The following XPNPEP3 variants were observed in gnomAD, a reference collection of about 807,000 sequenced individuals.
XPNPEP3 encodes X-prolyl aminopeptidase 3, also known as xaa-Pro aminopeptidase 3.
A neutral mutation model predicts 60.0 loss-of-function variants in XPNPEP3; 41 were observed. That is an observed-to-expected ratio of 0.68 (90% CI 0.53 to 0.89). XPNPEP3 has a LOEUF of 0.89. Ranked by LOEUF, XPNPEP3 falls within the 40% of genes least tolerant of loss-of-function variation. The pLI is 0.00. For missense variants in XPNPEP3, 598 were observed against 638.9 expected, an observed-to-expected ratio of 0.94 and a Z score of 0.69; for synonymous variants, 212 against 223.2, an observed-to-expected ratio of 0.95 and a Z score of 0.45.
chr22:40,861,430 T>A lies in XPNPEP3; in HGVS notation c.64+4185T>A. ...CTGCCATTAACGATTTTGTCTGAAG[T>A]TGTAACAGATATGTAGTTGTCCATC... On this transcript the variant is annotated intron_variant, in intron 1 of 9. Coordinates refer to ENST00000357137, the MANE Select transcript of XPNPEP3 (RefSeq NM_022098.4). 6.2e-7 allele frequency: 1 copy of A among 1,613,922 alleles called. No individual in the cohort carries two copies. The highest frequency in any genetic ancestry group is 8.5e-7 in the Non-Finnish European group (1 of 1,179,988).
chr22:40,891,162 G>A (rs1290808368), intron 4 of XPNPEP3, among the ~76,000 whole-genome samples: 1 of 115,516 alleles, frequency 8.7e-6, no homozygotes, highest in Non-Finnish European at 1.7e-5. Context: ...AGGCCTCATA[G>A]TAAGACCCCA....
chr22:40,875,088 A>G (rs1329278019), intron 2 of XPNPEP3, among the ~76,000 whole-genome samples: 14 of 152,224 alleles, frequency 9.2e-5, no homozygotes, highest in Admixed American at 3.3e-4. Flanking sequence ...TACTTTTTCT[A>G]TAAGTACTTC....
intron 4 of XPNPEP3, among the ~76,000 whole-genome samples, chr22:40,896,524 G>A (rs559119877): frequency 2.6e-5 from 4 of 151,932 alleles, no homozygotes; most frequent in African/African-American, 7.3e-5. Flanking sequence ...AAAATTAGCC[G>A]GGCGTGGGAC....
chr22:40,864,397 C>T (rs142308787), intron 1 of XPNPEP3, among the ~76,000 whole-genome samples: 6 of 152,202 alleles, frequency 3.9e-5, no homozygotes, highest in African/African-American at 9.6e-5. Flanking sequence ...AGAAGATGTT[C>T]GCAGTGTCTA....
At chr22:40,863,151 C>T (rs916035900) in intron 1 of XPNPEP3, among the ~76,000 whole-genome samples, 102 of 152,106 alleles carry the variant, frequency 6.7e-4, no homozygotes, top group African/African-American at 2.4e-3. Flanking sequence ...AGTGGGAAGC[C>T]TTTGTGGGGA....
At chr22:40,880,313 T>C (rs1487238784) in intron 2 of XPNPEP3, among the ~76,000 whole-genome samples, 1 of 151,866 alleles carries the variant, frequency 6.6e-6, no homozygotes, top group Non-Finnish European at 1.5e-5. Flanking sequence ...TCAAGCAGAA[T>C]GAATTGAAGC....
chr22:40,860,637 ATTG>A, intron 1 of XPNPEP3: 2 of 1,311,382 alleles, frequency 1.5e-6, no homozygotes, highest in Non-Finnish European at 2.0e-6. Context: ...TAAAAAACTC[ATTG>A]CAGTTTTCCA....
chr22:40,857,365 C>T (rs1377830889), intron 1 of XPNPEP3, 120 bp downstream of exon 1: 1 of 1,118,752 alleles, frequency 8.9e-7, no homozygotes, highest in Non-Finnish European at 1.3e-6. Context: ...CCCCAACCCT[C>T]TGTGCTCCGC....
chr22:40,862,814 C>T (rs2062367659), intron 1 of XPNPEP3: 8 of 945,220 alleles, frequency 8.5e-6, no homozygotes, highest in Non-Finnish European at 1.0e-5. Context: ...TGCCAGGCAC[C>T]GTTTTAGCCA....
At position 40,882,081 on chromosome 22, in the gene XPNPEP3, G is replaced by A; in HGVS notation, c.493G>A (p.Gly165Ser). The change falls in exon 3 of 10, where the codon GGT (glycine) becomes AGT (serine). Residue 165 changes from glycine to serine, a missense_variant. Physicochemically the swap from Gly to Ser is moderately conservative, Grantham distance 56. Coordinates refer to ENST00000357137, the MANE Select transcript of XPNPEP3 (RefSeq NM_022098.4). ...AGATCCCAGTCGAGAACTTTGGGAT[G>A]GTCCGCGATCTGGCACTGATGGAGC... ...RRDPSRELWD[G>S]PRSGTDGAIA... 2 of 1,614,104 alleles carry A rather than the reference G, an allele frequency of 1.2e-6. No homozygotes were observed. Among genetic ancestry groups the A allele is most frequent in the Non-Finnish European group, 1.7e-6 (2 of 1,179,970 alleles).
In XPNPEP3 at chr22:40,926,498, T is replaced by C. The variant is rs2058235320; in HGVS notation, c.*63T>C. On this transcript the variant is annotated 3_prime_UTR_variant, in exon 10 of 10. Transcript: ENST00000357137. The stretch of plus-strand genomic sequence containing the variant: ...GGGTGTCTTCTGGCAGCCCTGCACG[T>C]GTGCTTTCTGAGTGTCTCTGTGTGT... The C allele has an allele frequency of 1.9e-6, 3 of 1,580,090 alleles. No homozygotes were observed. In the Admixed American group the frequency reaches 5.0e-5, roughly 26 times the overall value.
chr22:40,920,229 G>T (rs900269891), intron 7 of XPNPEP3, among the ~76,000 whole-genome samples: 1 of 152,100 alleles, frequency 6.6e-6, no homozygotes, highest in Non-Finnish European at 1.5e-5. Flanking sequence ...TTAGCTGGGC[G>T]TGGTGGTGGG....
At chr22:40,892,595 G>T (rs1401496490) in intron 4 of XPNPEP3, among the ~76,000 whole-genome samples, 1 of 152,080 alleles carries the variant, frequency 6.6e-6, no homozygotes, top group East Asian at 1.9e-4. Flanking sequence ...TTGAGTGTGG[G>T]AACATGACAT....
At chr22:40,883,503 G>C (rs2058056659) in intron 3 of XPNPEP3, among the ~76,000 whole-genome samples, 2 of 152,006 alleles carry the variant, frequency 1.3e-5, no homozygotes, top group South Asian at 4.1e-4. Flanking sequence ...GGACTACCTG[G>C]GCACACCACT....
At chr22:40,874,223 C>T (rs555847728) in intron 2 of XPNPEP3, among the ~76,000 whole-genome samples, 1 of 152,226 alleles carries the variant, frequency 6.6e-6, no homozygotes, top group Admixed American at 6.5e-5. Context: ...TGCGCCACTG[C>T]ACTCTAGCCT....
At chr22:40,912,768 G>A (rs978607087) in intron 6 of XPNPEP3, among the ~76,000 whole-genome samples, 26 of 152,154 alleles carry the variant, frequency 1.7e-4, no homozygotes, top group Admixed American at 1.5e-3. Flanking sequence ...TACTCAGGAG[G>A]CTGAGGCGGG....
At chr22:40,892,609 G>C (rs888514367) in intron 4 of XPNPEP3, among the ~76,000 whole-genome samples, 1 of 152,160 alleles carries the variant, frequency 6.6e-6, no homozygotes, top group Admixed American at 6.5e-5. Flanking sequence ...ATGACATGTT[G>C]TCGCCATTAA....
chr22:40,886,633 G>A, intron 4 of XPNPEP3, 118 bp downstream of exon 4: 1 of 900,224 alleles, frequency 1.1e-6, no homozygotes, highest in South Asian at 1.4e-5. Flanking sequence ...AGACCATCCT[G>A]GCTAACATGG....
At chr22:40,900,628 A>C (rs1569026256) in intron 4 of XPNPEP3, among the ~76,000 whole-genome samples, 1 of 152,020 alleles carries the variant, frequency 6.6e-6, no homozygotes, top group Admixed American at 6.6e-5. Context: ...ATTAAACTTA[A>C]TTTAAGAATA....
Sources: allele counts gnomAD v4.1 joint callset (sites outside exome capture counted in the v4.1 genomes callset), GRCh38; gene constraint gnomAD v4.1.1; transcripts MANE v1.5; gene names NCBI Gene and HGNC (gene_info 2026-07-23, HGNC 2026-07-21).